Variants in RFLNA observed in about 807,000 individuals in gnomAD.
RFLNA encodes the protein refilin-A.
RFLNA carries 5 observed loss-of-function variants against 7.8 expected under a neutral mutation model. The ratio of observed to expected loss-of-function variants is 0.64; its 90% CI spans 0.34 to 1.35. The LOEUF (loss-of-function observed/expected upper bound fraction) is 1.35. Ranked by LOEUF, RFLNA falls within the 40% of genes most tolerant of loss-of-function variation. RFLNA has a pLI of 0.04. For missense variants in RFLNA, 278 were observed against 305.5 expected, an observed-to-expected ratio of 0.91 and a Z score of 0.67; for synonymous variants, 141 against 131.3, an observed-to-expected ratio of 1.07 and a Z score of -0.50.
At position 124,314,526 on chromosome 12, in the gene RFLNA, C is replaced by T. The variant is rs759571640; in HGVS notation, c.*1C>T. On this transcript the variant is annotated 3_prime_UTR_variant, in exon 3 of 3. Transcript: ENST00000546355. ...CCTCCTGGGCCCTGCCACGCTCTGACGGGGCTGGGGCCGGCCCGGGGTGCT... is the reference window on the plus strand; with the variant it reads ...CCTCCTGGGCCCTGCCACGCTCTGATGGGGCTGGGGCCGGCCCGGGGTGCT... 2.9e-5 allele frequency: 45 copies of T among 1,572,232 alleles called. No individual in the cohort carries two copies. Among genetic ancestry groups the T allele is most frequent in the Middle Eastern group, 1.7e-4 (1 of 6,004 alleles).
At chr12:124,312,798 TG>T (rs1296105251) in intron 2 of RFLNA, among the ~76,000 whole-genome samples, 1 of 380 alleles carries the variant, frequency 2.6e-3, no homozygotes, top group East Asian at 0.1. Context: ...CCCATGCATA[TG>T]ACGCATATGA....
chr12:124,307,207 C>T (rs900973105), intron 1 of RFLNA, among the ~76,000 whole-genome samples: 2 of 152,222 alleles, frequency 1.3e-5, no homozygotes, highest in Admixed American at 1.3e-4. Flanking sequence ...TGCTAAGTGC[C>T]GTGTCCCAGT....
rs571088456 is a variant in RFLNA at position 124,304,688 on chromosome 12, C to T, written c.208-7130C>T. 5.9e-5 allele frequency among the ~76,000 whole-genome samples: 9 copies of T among 152,358 alleles called. No individual in the cohort carries two copies. In the South Asian group the frequency reaches 6.2e-4, roughly 11 times the overall value. ...GTGAGGAGTTAGCCTTTCCTGGCAG[C>T]GCGTGGGTGGGTAACGGCAGCAGCA... On this transcript the variant is annotated intron_variant, in intron 1 of 2. Transcript: ENST00000546355.
chr12:124,293,016 T>C (rs2033846931), upstream of RFLNA, among the ~76,000 whole-genome samples: 1 of 152,188 alleles, frequency 6.6e-6, no homozygotes. Context: ...CTCCACCTCC[T>C]GAGTTCAAGC....
Position 124,289,681 on chromosome 12 carries a change from G to C in RFLNA, c.-37+311G>C, listed in dbSNP as rs934917349. On this transcript the variant is annotated intron_variant, in intron 1 of 2. Transcript: ENST00000324038. This position sits in a 1 kb window ranked among gnomAD's most constrained non-coding sequence, Gnocchi z 5.0. ...GCTGCCCAGCAAAGGCGGGCTGCAG[G>C]CTCCGAGAGGACACGGGCTAAAAAT... Among the ~76,000 whole-genome samples the C allele has an allele frequency of 6.6e-6, 1 of 152,238 alleles. No homozygotes were observed. The highest frequency in any genetic ancestry group is 1.5e-5 in the Non-Finnish European group (1 of 68,046).
In RFLNA at chr12:124,289,255, C is replaced by G. The variant is rs903569149; in HGVS notation, c.-152C>G. On this transcript the variant is annotated 5_prime_UTR_variant, in exon 1 of 3. Transcript: ENST00000324038. The surrounding 1 kb of genome is among the most constrained non-coding windows in gnomAD (Gnocchi z 5.0). ...TTTGTTTACTCAAGCTTGGGAGAAGCTGGCAGAAAAGGCCTTTTCAGCTAA... is the reference window on the plus strand; with the variant it reads ...TTTGTTTACTCAAGCTTGGGAGAAGGTGGCAGAAAAGGCCTTTTCAGCTAA... The G allele has an allele frequency of 2.0e-5, 3 of 152,196 alleles. No individual in the cohort carries two copies. The highest frequency in any genetic ancestry group is 7.2e-5 in the African/African-American group (3 of 41,438). 9.4% of individuals were successfully genotyped at this position (152,196 alleles called of 1,614,324 possible).
upstream of RFLNA, among the ~76,000 whole-genome samples, chr12:124,290,759 C>T (rs547387331): frequency 1.3e-5 from 2 of 152,286 alleles, no homozygotes; most frequent in African/African-American, 2.4e-5. The surrounding 1 kb of genome is among the most constrained non-coding windows in gnomAD (Gnocchi z 4.0). Context: ...TTGTGCCTGG[C>T]GTGCCTGGAA....
chr12:124,295,678 C>T (rs1339061788), intron 1 of RFLNA, 42 bp downstream of exon 1: 16 of 1,220,736 alleles, frequency 1.3e-5, no homozygotes, highest in Middle Eastern at 3.1e-4. Flanking sequence ...ACCGCGTGGG[C>T]GGGTGGGTGA....
In RFLNA at chr12:124,295,349, G is replaced by A. The variant is rs922377686; in HGVS notation, c.-81G>A. ...TCCCCGGGCGCGCAGCTCTCGCCCC[G>A]CCGCCGCCTGCCCCGGGCCCCGGAG... On this transcript the variant is annotated 5_prime_UTR_variant, in exon 1 of 3. Transcript: ENST00000546355. 33 of 864,588 alleles carry A rather than the reference G, an allele frequency of 3.8e-5. No individual in the cohort carries two copies. Among genetic ancestry groups the A allele is most frequent in the Middle Eastern group, 4.2e-4 (1 of 2,390 alleles). 53.6% of individuals were successfully genotyped at this position (864,588 alleles called of 1,614,324 possible).
intron 1 of RFLNA, among the ~76,000 whole-genome samples, chr12:124,308,456 A>G (rs2034176598): frequency 6.6e-6 from 1 of 151,078 alleles, no homozygotes; most frequent in African/African-American, 2.5e-5. Context: ...TTCTACCCAC[A>G]CTGCCCTTGT....
At position 124,314,210 on chromosome 12, in the gene RFLNA, G is replaced by A; in HGVS notation, c.336G>A (p.Lys112=). 6.2e-7 allele frequency: 1 copy of A among 1,612,436 alleles called. No individual in the cohort carries two copies. The highest frequency in any genetic ancestry group is 8.5e-7 in the Non-Finnish European group (1 of 1,179,168). The stretch of plus-strand genomic sequence containing the variant: ...TTTCCAGCTGCAACTCTGAGGTCAA[G>A]TACGCCTCGGAGAAGCATTTCCAGG... The part of the protein sequence containing the change: ...THEIRCNSEV[K]YASEKHFQDK... Residue 112 remains lysine (K), a synonymous_variant, in exon 3 of 3, where the codon AAG becomes AAA. Transcript: ENST00000546355.
At chr12:124,314,081 C>A in intron 2 of RFLNA, 111 bp from the exon 3 acceptor site, 2 of 1,359,648 alleles carry the variant, frequency 1.5e-6, no homozygotes, top group Non-Finnish European at 2.0e-6. Flanking sequence ...CAGCCCACAC[C>A]CGTTAGGCTT....
rs768634670 is a variant in RFLNA, at chr12:124,289,814, C to T, written c.-37+444C>T. Among the ~76,000 whole-genome samples the T allele has an allele frequency of 3.3e-5, 5 of 152,168 alleles. No homozygotes were observed. The highest frequency in any genetic ancestry group is 6.5e-5 in the Admixed American group (1 of 15,284). ...AAGTCCCTCGGGTGAGACAGGCCACCGGGGAACATGCGACTCCCCGGGGCA... is the reference window on the plus strand; with the variant it reads ...AAGTCCCTCGGGTGAGACAGGCCACTGGGGAACATGCGACTCCCCGGGGCA... On this transcript the variant is annotated intron_variant, in intron 1 of 2. Coordinates refer to the RFLNA transcript ENST00000324038. The surrounding 1 kb of genome is among the most constrained non-coding windows in gnomAD (Gnocchi z 5.0).
chr12:124,290,409 T>C (rs1421788366), upstream of RFLNA, among the ~76,000 whole-genome samples: 2 of 152,242 alleles, frequency 1.3e-5, no homozygotes, highest in East Asian at 1.9e-4. This position sits in a 1 kb window ranked among gnomAD's most constrained non-coding sequence, Gnocchi z 4.0. Flanking sequence ...TACCTGTGTA[T>C]ATGTAGGTAC....
chr12:124,311,844 G>A lies in RFLNA; in HGVS notation c.234G>A (p.Pro78=), dbSNP rs201716233. ...CCCCCTCCCAACTCCCAAATCCCCC[G>A]GCGTCGGAGATGAGGCCCCGGATGC... The part of the protein sequence containing the change: ...RAPPSQLPNP[P]ASEMRPRMLP... Residue 78 remains proline, a synonymous_variant, in exon 2 of 3, where the codon CCG becomes CCA. Transcript: ENST00000546355. 9.2e-4 allele frequency: 1,466 copies of A among 1,597,484 alleles called. 8 individuals are homozygous for A. Among genetic ancestry groups the A allele is most frequent in the Non-Finnish European group, 7.8e-4 (911 of 1,172,714 alleles).
intron 1 of RFLNA, among the ~76,000 whole-genome samples, chr12:124,307,756 AAAACTGCCAC>A (rs2034161213): frequency 6.6e-6 from 1 of 152,164 alleles, no homozygotes; most frequent in South Asian, 2.1e-4. Flanking sequence ...CACTGTAAAA[AAAACTGCCAC>A]AAACTGGGTG....
chr12:124,314,632 G>A lies in RFLNA; in HGVS notation c.*107G>A, dbSNP rs1461011760. ...CTGGCACTCGGGCAGGAGGCGGGAA[G>A]GGAGGCTGCCAGACCAAGGACCCGT... On this transcript the variant is annotated 3_prime_UTR_variant, in exon 3 of 3. Transcript: ENST00000546355. The A allele has an allele frequency of 6.6e-7, 1 of 1,518,864 alleles. No individual in the cohort carries two copies. Among genetic ancestry groups the A allele is most frequent in the Non-Finnish European group, 8.8e-7 (1 of 1,132,052 alleles). 94.1% of individuals were successfully genotyped at this position (1,518,864 alleles called of 1,614,324 possible). A position where few individuals can be genotyped will look rare whatever the true frequency, so the allele number is the denominator to read the frequency against.
intron 2 of RFLNA, 62 bp from the exon 3 acceptor site, chr12:124,314,130 G>C: frequency 6.5e-7 from 1 of 1,549,022 alleles, no homozygotes; most frequent in Non-Finnish European, 8.7e-7. Flanking sequence ...TCCATGCTGA[G>C]GGCAGGGAAT....
intron 1 of RFLNA, among the ~76,000 whole-genome samples, chr12:124,296,127 TCTCTCTC>T (rs1406562036): frequency 1.9e-4 from 1 of 5,348 alleles, no homozygotes; most frequent in Non-Finnish European, 8.5e-4. Flanking sequence ...TTTCTTTCTC[TCTCTCTC>T]TCTCTTCTTC....
Sources: gnomAD v4.1 joint callset for allele counts (sites outside exome capture counted in the v4.1 genomes callset) on GRCh38, gnomAD v4.1.1 for gene constraint, Gnocchi (gnomAD v3.1) non-coding constraint, MANE v1.5 for transcripts, NCBI Gene and HGNC (gene_info 2026-07-23, HGNC 2026-07-21) for gene names.